The following MACROD2 variants were observed in gnomAD, a reference collection of about 807,000 sequenced individuals.
MACROD2 encodes the protein ADP-ribose glycohydrolase MACROD2.
In MACROD2, 36 loss-of-function variants were observed where a neutral mutation model predicts 70.4. The observed-to-expected ratio is 0.51, with a 90% confidence interval of 0.39 to 0.68. The LOEUF is 0.68. MACROD2 is among the 30% of genes least tolerant of loss of function. MACROD2 has a pLI of 0.00. For missense variants in MACROD2, 496 were observed against 538.4 expected (o/e 0.92, Z 0.78); for synonymous variants, 172 against 178.8 (o/e 0.96, Z 0.30).
intron 4 of MACROD2, among the ~76,000 whole-genome samples, chr20:14,562,543 G>A (rs1331191651): frequency 6.6e-6 from 1 of 151,824 alleles, no homozygotes; most frequent in African/African-American, 2.4e-5. Context: ...CATTTGTCAG[G>A]GATAGCAACT....
intron 12 of MACROD2, among the ~76,000 whole-genome samples, chr20:15,939,579 G>A (rs977500409): frequency 8.6e-5 from 13 of 151,210 alleles, no homozygotes; most frequent in African/African-American, 3.2e-4. Flanking sequence ...CGAGAGTTCC[G>A]ACAAAGATGT....
intron 3 of MACROD2, among the ~76,000 whole-genome samples, chr20:14,125,954 G>C (rs2054643697): frequency 1.3e-5 from 2 of 152,080 alleles, no homozygotes. Flanking sequence ...ATCTTGTTTT[G>C]TTATAATACT....
chr20:15,153,512 G>A (rs1195397413), intron 5 of MACROD2, among the ~76,000 whole-genome samples: 2 of 152,114 alleles, frequency 1.3e-5, no homozygotes, highest in Admixed American at 1.3e-4. Flanking sequence ...ACACACTATA[G>A]CAGTTCCCAT....
intron 5 of MACROD2, among the ~76,000 whole-genome samples, chr20:14,934,254 A>G (rs1329593058): frequency 6.6e-6 from 1 of 152,216 alleles, no homozygotes; most frequent in Non-Finnish European, 1.5e-5. Context: ...TGATGAGACA[A>G]GATTTGTATG....
At chr20:14,037,400 A>G (rs2053327471) in intron 2 of MACROD2, among the ~76,000 whole-genome samples, 2 of 152,260 alleles carry the variant, frequency 1.3e-5, no homozygotes, top group African/African-American at 4.8e-5. Context: ...TCATGCAATT[A>G]TAAATGAATA....
intron 15 of MACROD2, among the ~76,000 whole-genome samples, chr20:16,025,752 G>A (rs998794849): frequency 6.6e-6 from 1 of 152,114 alleles, no homozygotes; most frequent in Non-Finnish European, 1.5e-5. Context: ...CTGTTCCCTG[G>A]CATTCTAAAC....
intron 2 of MACROD2, among the ~76,000 whole-genome samples, chr20:14,050,745 C>T (rs905485425): frequency 6.6e-6 from 1 of 151,896 alleles, no homozygotes; most frequent in Non-Finnish European, 1.5e-5. Context: ...GTGAAAGAAG[C>T]AATAGGTGAA....
At chr20:15,265,444 C>T (rs1323086685) in intron 6 of MACROD2, among the ~76,000 whole-genome samples, 1 of 152,214 alleles carries the variant, frequency 6.6e-6, no homozygotes, top group Non-Finnish European at 1.5e-5. Context: ...ACCCATGCTA[C>T]TCTACCTAAC....
chr20:14,307,012 A>AACACACACACACACAC (rs3044626), intron 3 of MACROD2, among the ~76,000 whole-genome samples: 2 of 148,198 alleles, frequency 1.3e-5, no homozygotes, highest in African/African-American at 2.5e-5. Flanking sequence ...ACTAAATGTA[A>AACACACACACACACAC]ACACACACAC....
intron 6 of MACROD2, among the ~76,000 whole-genome samples, chr20:15,344,067 T>C (rs2078137786): frequency 6.6e-6 from 1 of 152,192 alleles, no homozygotes; most frequent in South Asian, 2.1e-4. Context: ...GTATGCACAG[T>C]TCAAAAGAGA....
intron 8 of MACROD2, among the ~76,000 whole-genome samples, chr20:15,840,580 A>C (rs1042934077): frequency 6.6e-6 from 1 of 152,208 alleles, no homozygotes; most frequent in Admixed American, 6.5e-5. Context: ...ATCTACTTCC[A>C]CAGAGTTGAA....
chr20:15,499,832 C>G lies in MACROD2; in HGVS notation c.630C>G (p.Ala210=). ...TCAACACCATTAAGGAATGGCTTGCCAAGAATCACCATGAGGTAGGAGGAA... is the reference window on the plus strand; with the variant it reads ...TCAACACCATTAAGGAATGGCTTGCGAAGAATCACCATGAGGTAGGAGGAA... ...IALNTIKEWL[A]KNHHEVDRII... The change falls in exon 8 of 18, where the codon GCC becomes GCG. Residue 210 remains alanine, a synonymous_variant. Transcript: ENST00000684519. 1 of 1,613,542 alleles carries G rather than the reference C, an allele frequency of 6.2e-7. No homozygotes were observed. The highest frequency in any genetic ancestry group is 1.7e-5 in the Admixed American group (1 of 59,992).
At chr20:14,672,644 T>G (rs1361253902) in intron 4 of MACROD2, among the ~76,000 whole-genome samples, 1 of 152,210 alleles carries the variant, frequency 6.6e-6, no homozygotes, top group Admixed American at 6.5e-5. Flanking sequence ...TCTCATTCAA[T>G]TCTCATAAGA....
At chr20:15,260,200 G>A (rs2077236321) in intron 6 of MACROD2, among the ~76,000 whole-genome samples, 2 of 151,020 alleles carry the variant, frequency 1.3e-5, no homozygotes, top group Non-Finnish European at 3.0e-5. Context: ...AATCATAGTT[G>A]CCCTATTGTG....
intron 3 of MACROD2, among the ~76,000 whole-genome samples, chr20:14,149,209 T>C (rs2054982842): frequency 6.6e-6 from 1 of 150,392 alleles, no homozygotes; most frequent in Admixed American, 6.7e-5. Flanking sequence ...TTTTTTTGAG[T>C]ACCCAATGTT....
chr20:15,607,826 G>C (rs182300600), intron 8 of MACROD2, among the ~76,000 whole-genome samples: 1 of 152,154 alleles, frequency 6.6e-6, no homozygotes, highest in East Asian at 1.9e-4. Flanking sequence ...AAGTTACCGC[G>C]CCCGGCTGCA....
chr20:15,009,656 T>G (rs2075066364), intron 5 of MACROD2, among the ~76,000 whole-genome samples: 1 of 152,136 alleles, frequency 6.6e-6, no homozygotes. Context: ...TCCCCCTGAT[T>G]TTTAGAAATT....
At chr20:15,684,214 C>A (rs2146864296) in intron 8 of MACROD2, among the ~76,000 whole-genome samples, 1 of 152,296 alleles carries the variant, frequency 6.6e-6, no homozygotes, top group Non-Finnish European at 1.5e-5. Flanking sequence ...TATACAGAGG[C>A]TTTGTCATCC....
At chr20:14,518,516 A>T (rs1033924980) in intron 4 of MACROD2, among the ~76,000 whole-genome samples, 3 of 152,140 alleles carry the variant, frequency 2.0e-5, no homozygotes, top group Non-Finnish European at 1.5e-5. Flanking sequence ...GGACTTTCAT[A>T]AATAGTCTTT....
Sources: allele counts gnomAD v4.1 joint callset (sites outside exome capture counted in the v4.1 genomes callset), GRCh38; gene constraint gnomAD v4.1.1; transcripts MANE v1.5; gene names NCBI Gene and HGNC (gene_info 2026-07-23, HGNC 2026-07-21).